NRG1: variants seen among roughly 807,000 people sequenced by gnomAD.
The protein encoded by NRG1 is neuregulin 1, also known as pro-neuregulin-1, membrane-bound isoform.
A neutral mutation model predicts 63.8 loss-of-function variants in NRG1; 18 were observed. That is an observed-to-expected ratio of 0.28 (90% CI 0.19 to 0.42). The LOEUF (loss-of-function observed/expected upper bound fraction) is 0.42, where lower values mean the gene tolerates loss of function less well. NRG1 is among the 10% of genes least tolerant of loss of function. The probability of loss-of-function intolerance (pLI) is 1.00; values close to 1 mark genes in which losing one functional copy is unlikely to be tolerated. For synonymous variants in NRG1, 302 were observed against 301.3 expected, an observed-to-expected ratio of 1.00 and a Z score of -0.02; for missense variants, 762 against 814.7, an observed-to-expected ratio of 0.94 and a Z score of 0.79.
At chr8:31,854,275 T>C (rs1441214469) in intron 1 of NRG1, among the ~76,000 whole-genome samples, 7 of 152,218 alleles carry the variant, frequency 4.6e-5, no homozygotes, top group African/African-American at 7.2e-5. Context: ...TATTGATTAC[T>C]GCCACAATTT....
At chr8:32,329,820 G>A (rs943604984) in intron 1 of NRG1, among the ~76,000 whole-genome samples, 29 of 151,952 alleles carry the variant, frequency 1.9e-4, no homozygotes, top group Middle Eastern at 3.4e-3. Flanking sequence ...AGTAAACTAC[G>A]TGATATAGAG....
At chr8:32,641,271 G>A (rs903461861) in intron 5 of NRG1, among the ~76,000 whole-genome samples, 1 of 151,970 alleles carries the variant, frequency 6.6e-6, no homozygotes, top group Non-Finnish European at 1.5e-5. Flanking sequence ...AGAAGAAAGG[G>A]TAGCCGACAC....
intron 1 of NRG1, among the ~76,000 whole-genome samples, chr8:32,185,079 TG>T (rs763681159): frequency 3.3e-5 from 5 of 152,312 alleles, no homozygotes; most frequent in South Asian, 4.1e-4. Flanking sequence ...CTGTTTACTC[TG>T]GGGAAAATCT....
chr8:32,239,707 C>T (rs922361766), intron 1 of NRG1, among the ~76,000 whole-genome samples: 1 of 151,986 alleles, frequency 6.6e-6, no homozygotes, highest in African/African-American at 2.4e-5. Context: ...CTCAAAACTC[C>T]ACAGTAAAAT....
chr8:31,949,178 T>C (rs554287505), intron 1 of NRG1, among the ~76,000 whole-genome samples: 2 of 152,352 alleles, frequency 1.3e-5, no homozygotes, highest in South Asian at 4.1e-4. Flanking sequence ...ACTTCACACA[T>C]GTTATTTAAT....
rs150832643 is a variant in NRG1, at chr8:31,971,339, A to G, written c.37+331908A>G. On this transcript the variant is annotated intron_variant, in intron 1 of 10. Transcript: ENST00000519301. ...TTTGCTTTTGCTGTAGTAGCTAGGA[A>G]ATCTTTGCCTAACACAGTCATAAAT... Among the ~76,000 whole-genome samples, 488 of 152,270 alleles carry G rather than the reference A, an allele frequency of 3.2e-3. 5 individuals are homozygous for G. Among genetic ancestry groups the G allele is most frequent in the African/African-American group, 0.011 (455 of 41,552 alleles).
chr8:31,759,091 A>G (rs1286818721), intron 1 of NRG1, among the ~76,000 whole-genome samples: 1 of 152,144 alleles, frequency 6.6e-6, no homozygotes, highest in African/African-American at 2.4e-5. Context: ...TCATTTTAAA[A>G]GTGAATTTGT....
At chr8:32,373,946 C>T (rs931123450) in intron 1 of NRG1, among the ~76,000 whole-genome samples, 1 of 152,078 alleles carries the variant, frequency 6.6e-6, no homozygotes, top group African/African-American at 2.4e-5. Context: ...GAAGACAAAA[C>T]CTTCAAGGAA....
chr8:32,220,628 G>T (rs1305123967), intron 1 of NRG1, among the ~76,000 whole-genome samples: 3 of 152,182 alleles, frequency 2.0e-5, no homozygotes, highest in African/African-American at 7.2e-5. Flanking sequence ...CGGACCTAAG[G>T]GAGCAGATAT....
intron 1 of NRG1, among the ~76,000 whole-genome samples, chr8:32,576,113 C>A (rs10095120): frequency 1.3e-5 from 2 of 152,086 alleles, no homozygotes; most frequent in Non-Finnish European, 2.9e-5. Context: ...CATCATCTCA[C>A]ATACCATTTG....
At chr8:32,749,511 G>C (rs1160115306) in intron 7 of NRG1, 1 of 1,606,362 alleles carries the variant, frequency 6.2e-7, no homozygotes, top group South Asian at 1.1e-5. Flanking sequence ...GCTCTTTTCT[G>C]AAACTTTTTC....
At chr8:31,787,046 T>C (rs1026465670) in intron 1 of NRG1, among the ~76,000 whole-genome samples, 1 of 152,148 alleles carries the variant, frequency 6.6e-6, no homozygotes, top group African/African-American at 2.4e-5. Context: ...TACCCAAGAC[T>C]GGCAGCCAGC....
At chr8:32,274,789 T>C (rs1851915936) in intron 1 of NRG1, among the ~76,000 whole-genome samples, 1 of 152,184 alleles carries the variant, frequency 6.6e-6, no homozygotes, top group African/African-American at 2.4e-5. Flanking sequence ...TTAATTTTTT[T>C]CCAGGCAAAC....
At chr8:32,004,324 G>A (rs760712891) in intron 1 of NRG1, among the ~76,000 whole-genome samples, 1 of 151,808 alleles carries the variant, frequency 6.6e-6, no homozygotes, top group African/African-American at 2.4e-5. Flanking sequence ...CTGTTATGGT[G>A]GATACATTGC....
intron 1 of NRG1, among the ~76,000 whole-genome samples, chr8:31,888,748 C>T (rs1013753471): frequency 6.6e-6 from 1 of 151,792 alleles, no homozygotes; most frequent in African/African-American, 2.4e-5. Flanking sequence ...ATTAGATGCC[C>T]TAGGGTCTTT....
At chr8:31,721,243 T>C (rs909610665) in intron 1 of NRG1, among the ~76,000 whole-genome samples, 14 of 152,298 alleles carry the variant, frequency 9.2e-5, no homozygotes, top group African/African-American at 3.1e-4. Context: ...TAATTGCAAA[T>C]GTGTTTATTA....
chr8:32,065,087 A>G (rs937855759), intron 1 of NRG1, among the ~76,000 whole-genome samples: 5 of 151,994 alleles, frequency 3.3e-5, no homozygotes, highest in Non-Finnish European at 1.5e-5. Flanking sequence ...GAAAATGCAC[A>G]TAATCATTCC....
chr8:32,551,906 A>C (rs1424825710), intron 1 of NRG1, among the ~76,000 whole-genome samples: 1 of 129,464 alleles, frequency 7.7e-6, no homozygotes, highest in Admixed American at 9.2e-5. Flanking sequence ...TTACAAAACC[A>C]GAGCTTTTTT....
chr8:31,960,248 G>A (rs1032363958), intron 1 of NRG1, among the ~76,000 whole-genome samples: 25 of 152,252 alleles, frequency 1.6e-4, no homozygotes, highest in Admixed American at 1.3e-3. Flanking sequence ...AACACTTAAT[G>A]GGGTGGCAGT....
Sources: allele counts gnomAD v4.1 joint callset (sites outside exome capture counted in the v4.1 genomes callset), GRCh38; gene constraint gnomAD v4.1.1; transcripts MANE v1.5; gene names NCBI Gene and HGNC (gene_info 2026-07-23, HGNC 2026-07-21).